Variants in FILIP1 observed in about 807,000 individuals in gnomAD.
The protein encoded by FILIP1 is filamin A interacting protein 1, also known as filamin-A-interacting protein 1.
FILIP1 carries 61 observed loss-of-function variants against 102.1 expected under a neutral mutation model. That is an observed-to-expected ratio of 0.60 (90% CI 0.49 to 0.74). FILIP1 has a LOEUF of 0.74. FILIP1 is among the 30% of genes least tolerant of loss of function. The pLI, the probability that FILIP1 is intolerant of heterozygous loss-of-function variation, is 0.00. For synonymous variants in FILIP1, 491 were observed against 526.9 expected (o/e 0.93, Z 0.93); for missense variants, 1,314 against 1,441.2 (o/e 0.91, Z 1.43).
intron 1 of FILIP1, among the ~76,000 whole-genome samples, chr6:75,492,831 G>T (rs1396348486): frequency 6.6e-6 from 1 of 152,096 alleles, no homozygotes; most frequent in Non-Finnish European, 1.5e-5. Context: ...TTTAATACCA[G>T]GCATATTTTA....
intron 2 of FILIP1, among the ~76,000 whole-genome samples, chr6:75,391,613 A>T (rs1776282371): frequency 6.6e-6 from 1 of 152,078 alleles, no homozygotes; most frequent in South Asian, 2.1e-4. Context: ...AATTAACACA[A>T]ACTTCTTACT....
At chr6:75,425,880 C>A (rs1193914000) in intron 1 of FILIP1, among the ~76,000 whole-genome samples, 1 of 151,856 alleles carries the variant, frequency 6.6e-6, no homozygotes, top group Non-Finnish European at 1.5e-5. Context: ...TCATCAAATA[C>A]CTCTCATTAT....
chr6:75,413,450 A>G (rs986505313), intron 2 of FILIP1, among the ~76,000 whole-genome samples: 1 of 152,120 alleles, frequency 6.6e-6, no homozygotes, highest in African/African-American at 2.4e-5. Flanking sequence ...GATTTTTCTC[A>G]GTCTGTAAAT....
At chr6:75,363,940 G>T (rs1775246346) in intron 2 of FILIP1, among the ~76,000 whole-genome samples, 1 of 152,248 alleles carries the variant, frequency 6.6e-6, no homozygotes, top group South Asian at 2.1e-4. Context: ...TATAAACCTG[G>T]TTCATTATTA....
intron 1 of FILIP1, among the ~76,000 whole-genome samples, chr6:75,427,313 C>T (rs1207492395): frequency 4.6e-5 from 7 of 152,054 alleles, no homozygotes; most frequent in Non-Finnish European, 1.0e-4. Flanking sequence ...TAGCCTTGTG[C>T]CCCTGACTTT....
intron 1 of FILIP1, among the ~76,000 whole-genome samples, chr6:75,446,656 C>T (rs918114208): frequency 6.6e-6 from 1 of 152,122 alleles, no homozygotes; most frequent in Non-Finnish European, 1.5e-5. Flanking sequence ...CCAACTTTTG[C>T]ATAGTTTCTA....
intron 2 of FILIP1, among the ~76,000 whole-genome samples, chr6:75,410,714 C>T (rs1341543572): frequency 6.6e-6 from 1 of 152,146 alleles, no homozygotes; most frequent in Non-Finnish European, 1.5e-5. Context: ...CATGTCCCTG[C>T]AAAGGATATG....
intron 4 of FILIP1, among the ~76,000 whole-genome samples, chr6:75,331,138 C>G (rs1179078743): frequency 6.6e-6 from 1 of 152,124 alleles, no homozygotes; most frequent in African/African-American, 2.4e-5. Flanking sequence ...TCAAGAAAAT[C>G]TGGTAACATG....
At chr6:75,458,976 T>C (rs1357559265) in intron 1 of FILIP1, 4 of 152,108 alleles carry the variant, frequency 2.6e-5, no homozygotes, top group Non-Finnish European at 4.4e-5. Flanking sequence ...TAGAGATTAT[T>C]TGGGGGACAG....
chr6:75,414,483 T>G (rs1269992383), intron 2 of FILIP1, among the ~76,000 whole-genome samples: 1 of 152,150 alleles, frequency 6.6e-6, no homozygotes, highest in Non-Finnish European at 1.5e-5. Flanking sequence ...CTAGAGAAGT[T>G]TGAAGTTGGA....
At chr6:75,433,934 A>G (rs1283216175) in intron 1 of FILIP1, among the ~76,000 whole-genome samples, 1 of 152,218 alleles carries the variant, frequency 6.6e-6, no homozygotes, top group Admixed American at 6.5e-5. Context: ...AGCACCATTT[A>G]TTAAATAGGG....
At chr6:75,356,639 T>TTGTA in intron 3 of FILIP1, among the ~76,000 whole-genome samples, 1 of 152,104 alleles carries the variant, frequency 6.6e-6, no homozygotes. Flanking sequence ...CAGCTAGTTT[T>TTGTA]TGTATTTTTA....
At chr6:75,446,562 T>C (rs555959195) in intron 1 of FILIP1, among the ~76,000 whole-genome samples, 2 of 152,180 alleles carry the variant, frequency 1.3e-5, no homozygotes. Flanking sequence ...GTGGCTTCTT[T>C]AGTGGTAAAC....
intron 4 of FILIP1, among the ~76,000 whole-genome samples, chr6:75,329,970 A>G (rs1291892945): frequency 6.6e-6 from 1 of 152,138 alleles, no homozygotes; most frequent in Non-Finnish European, 1.5e-5. Context: ...TTTCCTCAAT[A>G]TGGTGATTAT....
At chr6:75,459,707 T>G (rs1778959186) in intron 1 of FILIP1, among the ~76,000 whole-genome samples, 1 of 152,212 alleles carries the variant, frequency 6.6e-6, no homozygotes, top group Non-Finnish European at 1.5e-5. Context: ...TCTGTTACTT[T>G]TTGATCCACT....
At chr6:75,395,086 AG>A (rs1025088891) in intron 2 of FILIP1, among the ~76,000 whole-genome samples, 1 of 152,120 alleles carries the variant, frequency 6.6e-6, no homozygotes, top group African/African-American at 2.4e-5. Flanking sequence ...GTGTACTAAT[AG>A]GGAAAAATTT....
intron 2 of FILIP1, among the ~76,000 whole-genome samples, chr6:75,381,235 A>ATTT (rs34565744): frequency 2.0e-5 from 3 of 146,642 alleles, no homozygotes; most frequent in African/African-American, 7.4e-5. Context: ...ATTAGATACA[A>ATTT]TTTTTTTTTT....
rs1015747960 is a variant in FILIP1, at chr6:75,455,412, C to A, written c.-7+38002G>T. On this transcript the variant is annotated intron_variant, in intron 1 of 5. Transcript: ENST00000237172. ...TTCATGGTATGAAATGTATCCAAAG[C>A]TCATTTTTATTGCGATGTCCAAACA... The A allele has an allele frequency of 4.7e-4, 72 of 151,710 alleles. 1 individual carries two copies. The highest frequency in any genetic ancestry group is 1.6e-3 in the African/African-American group (68 of 41,394). The allele number at this position is 151,710 out of a possible 1,614,324, so 9.4% of individuals were successfully genotyped here. A position where few individuals can be genotyped will look rare whatever the true frequency, so the allele number is the denominator to read the frequency against.
At position 75,319,862 on chromosome 6, in the gene FILIP1, G is replaced by A. The variant is rs373850885; in HGVS notation, c.630-4660C>T. On this transcript the variant is annotated intron_variant, in intron 4 of 5. Transcript: ENST00000237172. ...AAAAAAGAAAAGAAAAGAAAACTCT[G>A]AGAAGTTGACTGAAGCACCTGGGTG... 50 of 445,060 alleles carry A rather than the reference G, an allele frequency of 1.1e-4. No individual in the cohort carries two copies. In the East Asian group the frequency reaches 2.4e-3, roughly 21 times the overall value. The allele number at this position is 445,060 out of a possible 1,614,324, so 27.6% of individuals were successfully genotyped here.
Sources: allele counts gnomAD v4.1 joint callset (sites outside exome capture counted in the v4.1 genomes callset), GRCh38; gene constraint gnomAD v4.1.1; transcripts MANE v1.5; gene names NCBI Gene and HGNC (gene_info 2026-07-23, HGNC 2026-07-21).